The following SUN3 variants were observed in gnomAD, a reference collection of about 807,000 sequenced individuals.
SUN3 encodes SUN domain-containing protein 3.
SUN3 carries 36 observed loss-of-function variants against 48.2 expected under a neutral mutation model. The observed-to-expected ratio is 0.75, with a 90% CI of 0.57 to 0.99. SUN3 has a LOEUF of 0.99. Among genes scored for constraint, SUN3 ranks in the 50% least tolerant of loss-of-function variants. The probability of loss-of-function intolerance (pLI) is 0.00; values close to 1 mark genes in which losing one functional copy is unlikely to be tolerated. For synonymous variants in SUN3, 148 were observed against 147.9 expected, an observed-to-expected ratio of 1.00 and a Z score of 0.00; for missense variants, 419 against 433.1, an observed-to-expected ratio of 0.97 and a Z score of 0.29.
intron 3 of SUN3, among the ~76,000 whole-genome samples, chr7:48,010,544 T>C (rs1304598352): frequency 3.9e-5 from 6 of 152,124 alleles, no homozygotes; most frequent in Non-Finnish European, 7.4e-5. Flanking sequence ...AATGATCAAG[T>C]GTGAAAACGA....
intron 8 of SUN3, 84 bp downstream of exon 8, chr7:47,994,231 C>T (rs1435130231): frequency 1.5e-6 from 2 of 1,312,198 alleles, no homozygotes; most frequent in East Asian, 2.3e-5. Flanking sequence ...AGTTATCTGT[C>T]CTAGTTCAGA....
chr7:48,017,755 T>C (rs143944930), intron 2 of SUN3, among the ~76,000 whole-genome samples: 1,647 of 152,342 alleles, frequency 0.011, 18 homozygotes, highest in African/African-American at 0.037. Context: ...TCCTTTAATA[T>C]AGACTTTGTT....
intron 1 of SUN3, among the ~76,000 whole-genome samples, chr7:48,026,209 A>G (rs1035298262): frequency 2.0e-5 from 3 of 152,132 alleles, no homozygotes; most frequent in Non-Finnish European, 4.4e-5. Context: ...TTATGCTAGT[A>G]TATGTCTATT....
chr7:48,028,272 T>C (rs1790189077), intron 1 of SUN3, among the ~76,000 whole-genome samples: 1 of 152,000 alleles, frequency 6.6e-6, no homozygotes, highest in Admixed American at 6.6e-5. Flanking sequence ...GTAAATAGGT[T>C]TAGGGTATTT....
At chr7:48,000,532 C>A (rs1789333790) in intron 6 of SUN3, among the ~76,000 whole-genome samples, 1 of 152,212 alleles carries the variant, frequency 6.6e-6, no homozygotes, top group South Asian at 2.1e-4. Context: ...AGCTGAAGAA[C>A]TTCCTTTAGC....
chr7:48,014,623 A>G (rs1195056441), intron 3 of SUN3, among the ~76,000 whole-genome samples: 1 of 152,248 alleles, frequency 6.6e-6, no homozygotes, highest in Admixed American at 6.5e-5. Flanking sequence ...AAAGAAACCA[A>G]TCCTGCAAAG....
At chr7:48,022,720 T>C (rs1202199027) in intron 2 of SUN3, among the ~76,000 whole-genome samples, 1 of 152,004 alleles carries the variant, frequency 6.6e-6, no homozygotes, top group African/African-American at 2.4e-5. Flanking sequence ...AAACCTATTA[T>C]AATCAAACTG....
Position 48,009,014 on chromosome 7 carries a change from A to G in SUN3, c.329+21T>C, listed in dbSNP as rs763610894. ...TTGAAACCACACCAAAAAGAGGCATATAGCAAAAGATCGCACTCACTTTAA... is the reference window on the plus strand; with the variant it reads ...TTGAAACCACACCAAAAAGAGGCATGTAGCAAAAGATCGCACTCACTTTAA... On this transcript the variant is annotated intron_variant, in intron 4 of 9. Transcript: ENST00000297325. The G allele has an allele frequency of 1.9e-5, 30 of 1,607,088 alleles. 1 individual carries two copies. In the East Asian group the frequency reaches 6.7e-4, roughly 36 times the overall value.
upstream of SUN3, among the ~76,000 whole-genome samples, chr7:48,030,890 T>A (rs1790246849): frequency 6.6e-6 from 1 of 152,198 alleles, no homozygotes; most frequent in African/African-American, 2.4e-5. Flanking sequence ...GAAAGGACAC[T>A]GTAGTCTCTT....
chr7:48,003,421 T>C (rs968140457), intron 6 of SUN3, among the ~76,000 whole-genome samples: 1 of 152,236 alleles, frequency 6.6e-6, no homozygotes, highest in African/African-American at 2.4e-5. Context: ...AATTTTAAAA[T>C]AGTTTTATCT....
At chr7:48,027,333 G>A (rs1460890399) in intron 1 of SUN3, among the ~76,000 whole-genome samples, 3 of 152,192 alleles carry the variant, frequency 2.0e-5, no homozygotes, top group African/African-American at 7.2e-5. Flanking sequence ...CATGGTTTCT[G>A]ATGAAGACAA....
Position 48,017,243 on chromosome 7 carries a change from T to G in SUN3, c.288+19A>C. ...AACTTTAAATGAGTGATATACAAAA[T>G]TACTTAACAAAATATCACCTGATAT... On this transcript the variant is annotated intron_variant, in intron 3 of 9. Coordinates refer to ENST00000297325, the MANE Select transcript of SUN3 (RefSeq NM_001030019.2). The G allele has an allele frequency of 7.2e-7, 1 of 1,387,990 alleles. No homozygotes were observed. Among genetic ancestry groups the G allele is most frequent in the Non-Finnish European group, 1.0e-6 (1 of 990,868 alleles). The allele number at this position is 1,387,990 out of a possible 1,614,324, so 86.0% of individuals were successfully genotyped here.
At chr7:48,023,058 G>T (rs755499223) in intron 2 of SUN3, among the ~76,000 whole-genome samples, 3 of 152,076 alleles carry the variant, frequency 2.0e-5, no homozygotes, top group Non-Finnish European at 2.9e-5. Flanking sequence ...ACTCAATGCC[G>T]CATGAAGCAA....
intron 3 of SUN3, among the ~76,000 whole-genome samples, chr7:48,015,024 A>G (rs1789773535): frequency 6.6e-6 from 1 of 152,208 alleles, no homozygotes; most frequent in African/African-American, 2.4e-5. Flanking sequence ...AATCACATCT[A>G]AAAAATACCT....
At chr7:48,011,192 C>G (rs945569308) in intron 3 of SUN3, among the ~76,000 whole-genome samples, 1 of 152,180 alleles carries the variant, frequency 6.6e-6, no homozygotes, top group Admixed American at 6.5e-5. Context: ...TTTTGGGAAT[C>G]ACCTTTCAAC....
At chr7:47,998,462 A>G (rs1318885910) in intron 6 of SUN3, among the ~76,000 whole-genome samples, 1 of 152,186 alleles carries the variant, frequency 6.6e-6, no homozygotes, top group Non-Finnish European at 1.5e-5. Context: ...TTCTGGATTC[A>G]AGAATGTGTG....
intron 6 of SUN3, among the ~76,000 whole-genome samples, chr7:48,004,226 T>C (rs571824242): frequency 6.6e-6 from 1 of 152,134 alleles, no homozygotes; most frequent in Non-Finnish European, 1.5e-5. Context: ...CCCTTGGGAG[T>C]TGGTCTTATT....
intron 8 of SUN3, among the ~76,000 whole-genome samples, chr7:47,991,467 T>C (rs903494904): frequency 1.2e-4 from 19 of 152,126 alleles, no homozygotes; most frequent in South Asian, 6.2e-4. Context: ...ACTCCAGATA[T>C]GGAATGTAGA....
At chr7:48,032,790 T>C (rs1790270916), upstream of SUN3, among the ~76,000 whole-genome samples, 1 of 149,922 alleles carries the variant, frequency 6.7e-6, no homozygotes, top group South Asian at 2.1e-4. Context: ...CTGCTTGAGA[T>C]TGGAACAGAC....
Sources: gnomAD v4.1 joint callset for allele counts (sites outside exome capture counted in the v4.1 genomes callset) on GRCh38, gnomAD v4.1.1 for gene constraint, MANE v1.5 for transcripts, NCBI Gene and HGNC (gene_info 2026-07-23, HGNC 2026-07-21) for gene names.